The following DPP10 variants were observed in gnomAD, a reference collection of about 807,000 sequenced individuals.
The protein encoded by DPP10 is inactive dipeptidyl peptidase 10.
DPP10 carries 33 observed loss-of-function variants against 120.9 expected under a neutral mutation model. That is an observed-to-expected ratio of 0.27 (90% CI 0.21 to 0.37). The LOEUF is 0.37. Among genes scored for constraint, DPP10 ranks in the 10% least tolerant of loss-of-function variants. The pLI is 1.00. For missense variants in DPP10, 816 were observed against 942.8 expected (o/e 0.87, Z 1.76); for synonymous variants, 337 against 326.1 (o/e 1.03, Z -0.36).
chr2:115,746,625 A>AT (rs1194752638), intron 10 of DPP10, among the ~76,000 whole-genome samples: 59 of 151,858 alleles, frequency 3.9e-4, no homozygotes, highest in African/African-American at 1.0e-3. Context: ...ACATTTAAGA[A>AT]TTTTTTTTTC....
intron 1 of DPP10, among the ~76,000 whole-genome samples, chr2:115,284,326 G>T (rs1391021449): frequency 6.6e-6 from 1 of 151,882 alleles, no homozygotes; most frequent in African/African-American, 2.4e-5. Flanking sequence ...TCATGTTTCT[G>T]TTAAACCAGT....
intron 1 of DPP10, among the ~76,000 whole-genome samples, chr2:115,269,515 G>A (rs1322309054): frequency 5.3e-5 from 8 of 152,180 alleles, no homozygotes; most frequent in Non-Finnish European, 1.5e-5. Context: ...GGCTTGACTA[G>A]TGGAGGATCT....
At chr2:115,113,447 C>T (rs2049336098) in intron 1 of DPP10, among the ~76,000 whole-genome samples, 4 of 151,772 alleles carry the variant, frequency 2.6e-5, no homozygotes, top group Admixed American at 2.0e-4. Context: ...TCTTTTTTGC[C>T]CATAAGAATC....
chr2:114,993,560 T>C (rs1700875052), intron 1 of DPP10, among the ~76,000 whole-genome samples: 1 of 103,738 alleles, frequency 9.6e-6, no homozygotes, highest in African/African-American at 3.6e-5. Context: ...GATGGATTCT[T>C]ATTATGTGTG....
intron 1 of DPP10, among the ~76,000 whole-genome samples, chr2:114,717,793 C>A (rs976260155): frequency 3.3e-5 from 5 of 152,234 alleles, no homozygotes; most frequent in African/African-American, 9.6e-5. Flanking sequence ...GAAAACAGTA[C>A]TTGATGATAA....
rs184681466 is a variant in DPP10, at chr2:115,533,939, A to G, written c.441+7967A>G. On this transcript the variant is annotated intron_variant, in intron 5 of 25. Transcript: ENST00000410059. ...ATTTTGGAATATTTCTTTTGGGTTAAGGCAAAAATTGAAAAGTCCCTAGGA... is the reference window on the plus strand; with the variant it reads ...ATTTTGGAATATTTCTTTTGGGTTAGGGCAAAAATTGAAAAGTCCCTAGGA... 1.4e-3 allele frequency among the ~76,000 whole-genome samples: 210 copies of G among 152,168 alleles called. 2 individuals are homozygous for G. The highest frequency in any genetic ancestry group is 4.9e-3 in the African/African-American group (204 of 41,558).
At chr2:115,436,540 A>G (rs960651855) in intron 3 of DPP10, among the ~76,000 whole-genome samples, 3 of 151,930 alleles carry the variant, frequency 2.0e-5, no homozygotes, top group East Asian at 1.9e-4. Context: ...ATTTTTGTTC[A>G]TTGGATTCTT....
intron 1 of DPP10, among the ~76,000 whole-genome samples, chr2:114,893,853 G>A (rs1004001699): frequency 6.6e-6 from 1 of 152,202 alleles, no homozygotes; most frequent in South Asian, 2.1e-4. Context: ...CATATTTTTT[G>A]TCACTACCCT....
intron 12 of DPP10, 44 bp downstream of exon 12, chr2:115,762,654 C>A: frequency 6.2e-7 from 1 of 1,603,880 alleles, no homozygotes; most frequent in African/African-American, 1.3e-5. Context: ...TTGTGACCAT[C>A]CTGTTCACCC....
intron 3 of DPP10, among the ~76,000 whole-genome samples, chr2:115,403,018 G>T (rs897206903): frequency 3.4e-5 from 5 of 148,426 alleles, no homozygotes; most frequent in Non-Finnish European, 7.4e-5. Flanking sequence ...AATCCTCAAC[G>T]AAACTATTAG....
chr2:115,601,982 A>AT (rs1158828829), intron 5 of DPP10, among the ~76,000 whole-genome samples: 2 of 152,202 alleles, frequency 1.3e-5, no homozygotes, highest in African/African-American at 4.8e-5. Context: ...CGCCCGGCCA[A>AT]TTGTGTAACT....
chr2:114,769,846 A>T (rs558645885), intron 1 of DPP10, among the ~76,000 whole-genome samples: 1 of 152,308 alleles, frequency 6.6e-6, no homozygotes, highest in East Asian at 1.9e-4. Context: ...ATACCCAAAG[A>T]CATTGGAAAA....
At chr2:115,712,567 A>ATATATGTATATATATATATATATATATAT in intron 7 of DPP10, among the ~76,000 whole-genome samples, 1 of 15,710 alleles carries the variant, frequency 6.4e-5, no homozygotes, top group African/African-American at 1.7e-4. Flanking sequence ...TATATATATA[A>ATATATGTATATATATATATATATATATAT]AGAAACTGTC....
intron 5 of DPP10, among the ~76,000 whole-genome samples, chr2:115,535,106 C>T (rs2078729483): frequency 6.6e-6 from 1 of 151,796 alleles, no homozygotes; most frequent in Admixed American, 6.6e-5. Flanking sequence ...TGCAGAAGCT[C>T]TTTACTTTAA....
chr2:115,023,521 G>A (rs1036183118), intron 1 of DPP10, among the ~76,000 whole-genome samples: 5 of 151,956 alleles, frequency 3.3e-5, no homozygotes, highest in African/African-American at 1.2e-4. Context: ...TGTAGTGAAA[G>A]GGGAACACTT....
intron 5 of DPP10, among the ~76,000 whole-genome samples, chr2:115,682,178 G>T (rs906064673): frequency 1.3e-5 from 2 of 151,880 alleles, no homozygotes; most frequent in Admixed American, 1.3e-4. Flanking sequence ...ATGAAAAATC[G>T]CTTGTACTAC....
Position 114,638,082 on chromosome 2 carries a change from C to G in DPP10, c.60+195244C>G, listed in dbSNP as rs1415713369. ...CTGTAAATTGCTTTGGGCAGTATGG[C>G]CATTTTAATAATATTCTTCTAATCA... On this transcript the variant is annotated intron_variant, in intron 1 of 25. Coordinates refer to ENST00000410059, the MANE Select transcript of DPP10 (RefSeq NM_020868.6). Among the ~76,000 whole-genome samples, 5 of 151,732 alleles carry G rather than the reference C, an allele frequency of 3.3e-5. 1 individual carries two copies. Among genetic ancestry groups the G allele is most frequent in the African/African-American group, 1.2e-4 (5 of 41,120 alleles).
chr2:115,623,798 G>C (rs1387707722), intron 5 of DPP10, among the ~76,000 whole-genome samples: 1 of 152,042 alleles, frequency 6.6e-6, no homozygotes, highest in Admixed American at 6.5e-5. Flanking sequence ...TCTCTAGCAA[G>C]ATTTCCAAGG....
intron 1 of DPP10, among the ~76,000 whole-genome samples, chr2:114,454,807 C>G (rs1034117324): frequency 4.6e-5 from 7 of 152,112 alleles, no homozygotes; most frequent in Non-Finnish European, 1.0e-4. Flanking sequence ...GTTATCCTAT[C>G]CCTTCACCCT....
Sources: allele counts gnomAD v4.1 joint callset (sites outside exome capture counted in the v4.1 genomes callset), GRCh38; gene constraint gnomAD v4.1.1; transcripts MANE v1.5; gene names NCBI Gene and HGNC (gene_info 2026-07-23, HGNC 2026-07-21).